CASK: variants seen among roughly 807,000 people sequenced by gnomAD.
CASK encodes peripheral plasma membrane protein CASK.
Under a neutral mutation model 82.9 loss-of-function variants are expected in CASK, and 4 were observed. The ratio of observed to expected loss-of-function variants is 0.05; its 90% CI spans 0.02 to 0.11. CASK has a LOEUF of 0.11. Among genes scored for constraint, CASK ranks in the 10% least tolerant of loss-of-function variants. CASK has a pLI of 1.00. For missense variants in CASK, 358 were observed against 720.9 expected, an observed-to-expected ratio of 0.50 and a Z score of 5.76; for synonymous variants, 259 against 253.5, an observed-to-expected ratio of 1.02 and a Z score of -0.20.
intron 5 of CASK, among the ~76,000 whole-genome samples, chrX:41,677,123 A>G (rs2067279608): frequency 9.4e-6 from 1 of 106,924 alleles, no homozygotes; most frequent in Non-Finnish European, 1.9e-5. Context: ...CCTGGGCAAC[A>G]TGGCAAAACC....
chrX:41,750,528 G>T (rs748825739), intron 3 of CASK, among the ~76,000 whole-genome samples: 1 of 111,922 alleles, frequency 8.9e-6, no homozygotes, highest in Admixed American at 9.5e-5. Context: ...CCCTCCTATG[G>T]AAGAGTATGG....
At chrX:41,829,548 T>C (rs1385828857) in intron 2 of CASK, among the ~76,000 whole-genome samples, 1 of 94,139 alleles carries the variant, frequency 1.1e-5, no homozygotes, top group Admixed American at 1.2e-4. Context: ...ATTTGGGTTG[T>C]TTCTAATTTA....
At chrX:41,859,916 T>G (rs2147986280) in intron 1 of CASK, among the ~76,000 whole-genome samples, 1 of 111,598 alleles carries the variant, frequency 9.0e-6, no homozygotes, top group East Asian at 2.8e-4. Context: ...CATTCAGCAT[T>G]CATGGTAACT....
chrX:41,603,383 G>A (rs1054016125), intron 12 of CASK, among the ~76,000 whole-genome samples: 4 of 111,686 alleles, frequency 3.6e-5, no homozygotes, highest in African/African-American at 9.7e-5. Context: ...TCAAAAAAGC[G>A]AAATAGTAAA....
At position 41,740,090 on chromosome X, in the gene CASK, AAAG is replaced by A. The variant is rs1233997253; in HGVS notation, c.357-637_357-635del. On this transcript the variant is annotated intron_variant, in intron 4 of 26. Transcript: ENST00000378163. Reference sequence around the variant, plus strand: ...CCCTCATGGAGCACAGGTGAAGAACAAAGAAGAAATCAGCATTTTAAAGAACAG... The same window carrying A: ...CCCTCATGGAGCACAGGTGAAGAACAAAGAAATCAGCATTTTAAAGAACAG... Among the ~76,000 whole-genome samples, 112 of 112,338 alleles carry A rather than the reference AAAG, an allele frequency of 1.0e-3. 1 individual carries two copies. Among genetic ancestry groups the A allele is most frequent in the African/African-American group, 3.5e-3 (107 of 30,979 alleles).
At chrX:41,749,958 A>G (rs1161050111) in intron 3 of CASK, among the ~76,000 whole-genome samples, 1 of 110,460 alleles carries the variant, frequency 9.1e-6, no homozygotes, top group Non-Finnish European at 1.9e-5. Flanking sequence ...TTTAGTTGCT[A>G]TTGTAAATGG....
chrX:41,719,186 G>A (rs2068117267), intron 5 of CASK, among the ~76,000 whole-genome samples: 1 of 112,083 alleles, frequency 8.9e-6, no homozygotes, highest in Admixed American at 9.5e-5. Context: ...ATGAAGTGGG[G>A]TTTGCTGGAA....
At chrX:41,612,815 T>C (rs1195161491) in intron 11 of CASK, among the ~76,000 whole-genome samples, 43 of 76,504 alleles carry the variant, frequency 5.6e-4, no homozygotes, top group Middle Eastern at 0.01. Context: ...CGCCTCTGCC[T>C]GGCCGCCCCT....
At chrX:41,602,415 A>G (rs2065905812) in intron 12 of CASK, among the ~76,000 whole-genome samples, 1 of 111,498 alleles carries the variant, frequency 9.0e-6, no homozygotes, top group Admixed American at 9.6e-5. Context: ...ACATATAGAA[A>G]TTTAGATAAT....
chrX:41,593,878 G>A (rs17249910), intron 12 of CASK, among the ~76,000 whole-genome samples: 4,952 of 112,015 alleles, frequency 0.044, 113 homozygotes, highest in Non-Finnish European at 0.072. Context: ...TCATTCTCAT[G>A]GGTCATCTGC....
chrX:41,833,487 GA>G (rs1023224331), intron 2 of CASK, among the ~76,000 whole-genome samples: 6 of 111,230 alleles, frequency 5.4e-5, no homozygotes, highest in African/African-American at 2.0e-4. Flanking sequence ...TGGGAGGGGG[GA>G]AAATAGTGGG....
intron 5 of CASK, among the ~76,000 whole-genome samples, chrX:41,704,053 G>T: frequency 9.1e-6 from 1 of 109,928 alleles, no homozygotes; most frequent in Non-Finnish European, 1.9e-5. Context: ...TTCCCCTAAT[G>T]AGTTGCTTAT....
intron 1 of CASK, among the ~76,000 whole-genome samples, chrX:41,890,761 G>A (rs2072151349): frequency 1.8e-5 from 2 of 112,022 alleles, no homozygotes; most frequent in African/African-American, 3.2e-5. Context: ...GCTCAATGCT[G>A]ACAGGGTACT....
chrX:41,653,378 A>C (rs62587043), intron 8 of CASK, among the ~76,000 whole-genome samples: 13,610 of 111,833 alleles, frequency 0.12, 738 homozygotes, highest in Middle Eastern at 0.17. Flanking sequence ...TGGAATTTAG[A>C]GATGGATCCA....
chrX:41,821,618 C>T (rs1318779812), intron 2 of CASK, among the ~76,000 whole-genome samples: 1 of 111,980 alleles, frequency 8.9e-6, no homozygotes, highest in Non-Finnish European at 1.9e-5. Context: ...TTTACTCAGC[C>T]CCAAAGTGGA....
At chrX:41,578,627 C>CTCAAA in intron 14 of CASK, 99 bp from the exon 15 acceptor site, 2 of 635,925 alleles carry the variant, frequency 3.1e-6, no homozygotes, top group Non-Finnish European at 4.8e-6. Context: ...CTCACTCTGT[C>CTCAAA]ACCCAGGGTG....
intron 5 of CASK, chrX:41,695,669 A>G (rs1378244607): frequency 5.8e-6 from 7 of 1,204,259 alleles, no homozygotes; most frequent in Non-Finnish European, 7.9e-6. Flanking sequence ...CGACAACTTC[A>G]GTCAGCAGCT....
intron 5 of CASK, among the ~76,000 whole-genome samples, chrX:41,704,025 T>C (rs1473554485): frequency 9.0e-6 from 1 of 111,268 alleles, no homozygotes; most frequent in East Asian, 2.8e-4. Context: ...TTCATATCTA[T>C]ACCCCTCCCC....
At chrX:41,600,393 T>C (rs1402532951) in intron 12 of CASK, among the ~76,000 whole-genome samples, 2 of 112,653 alleles carry the variant, frequency 1.8e-5, no homozygotes, top group Non-Finnish European at 3.8e-5. Context: ...ATTCTTTAAC[T>C]GAGCATATCA....
Sources: allele counts gnomAD v4.1 joint callset (sites outside exome capture counted in the v4.1 genomes callset), GRCh38; gene constraint gnomAD v4.1.1; transcripts MANE v1.5; gene names NCBI Gene and HGNC (gene_info 2026-07-23, HGNC 2026-07-21).